The following PPP1R12B variants were observed in gnomAD, a reference collection of about 807,000 sequenced individuals.
PPP1R12B encodes the protein myosin phosphatase target subunit 2.
In PPP1R12B, 76 loss-of-function variants were observed where a neutral mutation model predicts 126.1. The observed-to-expected ratio is 0.60, with a 90% confidence interval of 0.50 to 0.73. The LOEUF (loss-of-function observed/expected upper bound fraction) is 0.73. PPP1R12B is among the 30% of genes least tolerant of loss of function. The pLI is 0.00. For missense variants in PPP1R12B, 1,052 were observed against 1,205.1 expected (o/e 0.87, Z 1.88); for synonymous variants, 356 against 434.7 (o/e 0.82, Z 2.25).
In PPP1R12B at chr1:202,481,226, TCTG is replaced by T. The variant is rs1677319980; in HGVS notation, c.1851-7305_1851-7303del. Among the ~76,000 whole-genome samples, 3 of 152,216 alleles carry T rather than the reference TCTG, an allele frequency of 2.0e-5. No individual in the cohort carries two copies. The South Asian group carries it at 6.2e-4, about 32-fold the overall frequency. ...CTAACACGCCACAGATCAGTACTGG[TCTG>T]CAGCCCGGGGGTTGGGGACCCCTGT... On this transcript the variant is annotated intron_variant, in intron 13 of 23. Transcript: ENST00000608999.
At chr1:202,492,948 A>T (rs1487688169) in intron 14 of PPP1R12B, among the ~76,000 whole-genome samples, 166 bp from the exon 15 acceptor site, 1 of 152,174 alleles carries the variant, frequency 6.6e-6, no homozygotes, top group African/African-American at 2.4e-5. Context: ...GTACACTGAG[A>T]TGCTTATTTT....
intron 1 of PPP1R12B, among the ~76,000 whole-genome samples, chr1:202,400,979 T>C (rs1446836159): frequency 2.0e-5 from 3 of 152,192 alleles, no homozygotes; most frequent in Admixed American, 6.5e-5. Flanking sequence ...TTTTGCACTT[T>C]TAATTAGCTG....
chr1:202,525,465 A>G (rs1436054289), intron 18 of PPP1R12B, among the ~76,000 whole-genome samples: 3 of 152,190 alleles, frequency 2.0e-5, no homozygotes, highest in African/African-American at 7.2e-5. Context: ...ATGAAGACTA[A>G]GAACTGACCA....
chr1:202,402,667 T>C (rs1666018215), intron 1 of PPP1R12B, among the ~76,000 whole-genome samples: 1 of 152,192 alleles, frequency 6.6e-6, no homozygotes, highest in Non-Finnish European at 1.5e-5. Context: ...ATAGCCAGCA[T>C]TTCCTTGGCC....
chr1:202,566,165 C>A (rs1484093230), intron 21 of PPP1R12B, among the ~76,000 whole-genome samples: 9 of 152,206 alleles, frequency 5.9e-5, no homozygotes, highest in Admixed American at 5.9e-4. Context: ...CTCAGCATTT[C>A]CACCAGCCCA....
chr1:202,386,165 C>A (rs563241342), intron 1 of PPP1R12B, among the ~76,000 whole-genome samples: 1 of 152,034 alleles, frequency 6.6e-6, no homozygotes, highest in South Asian at 2.1e-4. Flanking sequence ...AATCTCCTGA[C>A]CTCATGATCC....
At chr1:202,578,157 C>T (rs1046437399) in intron 23 of PPP1R12B, among the ~76,000 whole-genome samples, 10 of 152,170 alleles carry the variant, frequency 6.6e-5, no homozygotes, top group African/African-American at 9.7e-5. Context: ...TGCAAAACTG[C>T]CTTGTCCAAA....
At chr1:202,472,141 C>T (rs1676010226) in intron 13 of PPP1R12B, 1 of 1,309,728 alleles carries the variant, frequency 7.6e-7, no homozygotes, top group Non-Finnish European at 1.0e-6. Context: ...TAGGTCATCA[C>T]CGCCGGAAAA....
At chr1:202,438,364 T>C in intron 10 of PPP1R12B, 1 of 862,312 alleles carries the variant, frequency 1.2e-6, no homozygotes, top group Non-Finnish European at 1.7e-6. Context: ...GGGTCCTGGA[T>C]CCAGAGGGCC....
chr1:202,591,672 G>A lies in PPP1R12B; in HGVS notation c.*11112G>A, dbSNP rs553226511. The stretch of plus-strand genomic sequence containing the variant: ...CTGCAGGAGGATGCACGAGGGAAGA[G>A]CGTCAGCCCCTGTATTCACCGGCCT... On this transcript the variant is annotated 3_prime_UTR_variant, in exon 24 of 24. Coordinates refer to ENST00000608999, the MANE Select transcript of PPP1R12B (RefSeq NM_002481.4). 2.6e-5 allele frequency: 4 copies of A among 152,906 alleles called. No individual in the cohort carries two copies. In the East Asian group the frequency reaches 7.7e-4, roughly 30 times the overall value. The allele number at this position is 152,906 out of a possible 1,614,324, so 9.5% of individuals were successfully genotyped here.
intron 12 of PPP1R12B, chr1:202,443,128 G>GT: frequency 1.0e-6 from 1 of 982,332 alleles, no homozygotes; most frequent in Non-Finnish European, 1.2e-6. Flanking sequence ...TGCAGAGAAG[G>GT]TACATGGGTT....
chr1:202,446,184 TAG>T (rs1558237762), intron 12 of PPP1R12B, among the ~76,000 whole-genome samples: 2 of 147,374 alleles, frequency 1.4e-5, no homozygotes, highest in Non-Finnish European at 3.0e-5. Context: ...GAAACAAACA[TAG>T]AGAGGTTATT....
In PPP1R12B at chr1:202,588,867, A is replaced by ATAGATAGATAGG. The variant is rs1558412805; in HGVS notation, c.*8313_*8314insGATAGGTAGATA. 1 of 143,554 alleles carries ATAGATAGATAGG rather than the reference A, an allele frequency of 7.0e-6. No individual in the cohort carries two copies. Among genetic ancestry groups the ATAGATAGATAGG allele is most frequent in the Admixed American group, 6.7e-5 (1 of 14,904 alleles). 8.9% of individuals were successfully genotyped at this position (143,554 alleles called of 1,614,324 possible). On this transcript the variant is annotated 3_prime_UTR_variant, in exon 24 of 24. Coordinates refer to ENST00000608999, the MANE Select transcript of PPP1R12B (RefSeq NM_002481.4). ...GATAGATAGATAGATAGATAGATAG[A>ATAGATAGATAGG]TAGATATCAAGGTTCCAAGCTTCAA...
chr1:202,408,318 T>G (rs1571871069), intron 1 of PPP1R12B, among the ~76,000 whole-genome samples: 1 of 152,330 alleles, frequency 6.6e-6, no homozygotes, highest in Non-Finnish European at 1.5e-5. Context: ...CCATGATTAG[T>G]TCTTTCAGGG....
At chr1:202,439,406 G>A (rs750602775) in intron 10 of PPP1R12B, 590 of 1,244,912 alleles carry the variant, frequency 4.7e-4, no homozygotes, top group Non-Finnish European at 6.5e-4. Flanking sequence ...AGCGGAGCAC[G>A]GAGACCGCCC....
intron 12 of PPP1R12B, among the ~76,000 whole-genome samples, chr1:202,443,340 C>T (rs1375035207): frequency 1.3e-5 from 2 of 152,176 alleles, no homozygotes; most frequent in African/African-American, 2.4e-5. Context: ...CTTCTCACAC[C>T]ATAGCCTTCA....
intron 13 of PPP1R12B, among the ~76,000 whole-genome samples, chr1:202,478,203 A>G (rs1328406769): frequency 3.3e-5 from 5 of 152,242 alleles, no homozygotes; most frequent in African/African-American, 1.2e-4. Flanking sequence ...TGGCCTTTGC[A>G]GGCCATGTTG....
In PPP1R12B at chr1:202,423,225, C is replaced by T. The variant is rs535583925; in HGVS notation, c.541+487C>T. On this transcript the variant is annotated intron_variant, in intron 3 of 23. Coordinates refer to ENST00000608999, the MANE Select transcript of PPP1R12B (RefSeq NM_002481.4). ...CTTAGAATAATATATTCTAAAAATG[C>T]TTATTCTTATTTTATAGTTTTAGGA... 4.6e-5 allele frequency among the ~76,000 whole-genome samples: 7 copies of T among 152,260 alleles called. No homozygotes were observed. In the South Asian group the frequency reaches 1.2e-3, roughly 27 times the overall value.
intron 23 of PPP1R12B, among the ~76,000 whole-genome samples, chr1:202,579,853 A>G (rs1043182059): frequency 3.3e-5 from 5 of 152,128 alleles, no homozygotes; most frequent in African/African-American, 1.2e-4. Flanking sequence ...TGTGAGTGTA[A>G]GTTTTCTGAG....
Sources: gnomAD v4.1 joint callset for allele counts (sites outside exome capture counted in the v4.1 genomes callset) on GRCh38, gnomAD v4.1.1 for gene constraint, MANE v1.5 for transcripts, NCBI Gene and HGNC (gene_info 2026-07-23, HGNC 2026-07-21) for gene names.